Variants in DPP6 observed in about 807,000 individuals in gnomAD.
DPP6 encodes the protein dipeptidyl peptidase like 6.
A neutral mutation model predicts 122.6 loss-of-function variants in DPP6; 69 were observed. The observed-to-expected ratio is 0.56, with a 90% CI of 0.46 to 0.69. The LOEUF (loss-of-function observed/expected upper bound fraction) is 0.69. DPP6 is among the 30% of genes least tolerant of loss of function. DPP6 has a pLI of 0.00. For missense variants in DPP6, 928 were observed against 1,116.9 expected (o/e 0.83, Z 2.41); for synonymous variants, 418 against 433.1 (o/e 0.97, Z 0.43).
At chr7:154,827,660 GC>G (rs1337062780) in intron 16 of DPP6, among the ~76,000 whole-genome samples, 1 of 148,996 alleles carries the variant, frequency 6.7e-6, no homozygotes, top group Non-Finnish European at 1.5e-5. Flanking sequence ...AGGACGGCTG[GC>G]AGGGGGGTGG....
chr7:154,136,155 C>T (rs1563235437), intron 1 of DPP6, among the ~76,000 whole-genome samples: 1 of 151,970 alleles, frequency 6.6e-6, no homozygotes, highest in Non-Finnish European at 1.5e-5. Context: ...TACCACTGGC[C>T]TCCCTGTGCA....
At chr7:154,283,501 G>A (rs959777356) in intron 1 of DPP6, among the ~76,000 whole-genome samples, 7 of 152,160 alleles carry the variant, frequency 4.6e-5, no homozygotes, top group African/African-American at 1.7e-4. Context: ...ATGAGTACCT[G>A]TAAAGGCTAA....
At chr7:154,057,201 C>T (rs1800901953) in intron 1 of DPP6, among the ~76,000 whole-genome samples, 3 of 152,148 alleles carry the variant, frequency 2.0e-5, no homozygotes, top group Admixed American at 6.5e-5. Context: ...GCCTTGGCAG[C>T]AACTGCCCAG....
chr7:153,832,900 C>CT, the DPP6 span, among the ~76,000 whole-genome samples: 1 of 152,228 alleles, frequency 6.6e-6, no homozygotes, highest in East Asian at 1.9e-4. Context: ...AGATAGTGTA[C>CT]TGTAGAACTG....
chr7:154,055,683 C>T (rs527353453), intron 1 of DPP6: 2 of 152,316 alleles, frequency 1.3e-5, no homozygotes, highest in African/African-American at 4.8e-5. Flanking sequence ...CTGGGAGCGC[C>T]GCTACTTCGG....
At chr7:154,146,457 A>G (rs1280455246) in intron 1 of DPP6, among the ~76,000 whole-genome samples, 3 of 151,628 alleles carry the variant, frequency 2.0e-5, no homozygotes, top group African/African-American at 7.3e-5. Context: ...AGATTCTTAC[A>G]TATGTGTGTC....
chr7:153,752,277 G>T, the DPP6 span, among the ~76,000 whole-genome samples: 5 of 145,752 alleles, frequency 3.4e-5, no homozygotes, highest in Non-Finnish European at 7.5e-5. Flanking sequence ...TTGAGACCGA[G>T]TCTCGCTCTG....
In DPP6 at chr7:154,470,355, A is replaced by T. The variant is rs1021483039; in HGVS notation, c.359-4584A>T. 3.3e-5 allele frequency among the ~76,000 whole-genome samples: 5 copies of T among 152,188 alleles called. 1 individual carries two copies. Among genetic ancestry groups the T allele is most frequent in the African/African-American group, 1.2e-4 (5 of 41,446 alleles). The stretch of plus-strand genomic sequence containing the variant: ...CTCGGAAGACTATAAAGCACTTTAG[A>T]GTTGTCAGTTATTCCAAATTGCTCA... On this transcript the variant is annotated intron_variant, in intron 2 of 25. Transcript: ENST00000377770.
At chr7:154,291,836 A>G (rs1175672358) in intron 1 of DPP6, among the ~76,000 whole-genome samples, 1 of 152,244 alleles carries the variant, frequency 6.6e-6, no homozygotes, top group Admixed American at 6.5e-5. Flanking sequence ...AGGCATGGAC[A>G]TTTAGGAATT....
At chr7:153,999,439 G>C (rs531317039) in intron 1 of DPP6, among the ~76,000 whole-genome samples, 1 of 152,254 alleles carries the variant, frequency 6.6e-6, no homozygotes, top group East Asian at 1.9e-4. Flanking sequence ...ACATCTTCAA[G>C]GCTTTGTTTG....
chr7:154,559,820 C>T (rs1017871921), intron 4 of DPP6, among the ~76,000 whole-genome samples: 1 of 151,320 alleles, frequency 6.6e-6, no homozygotes, highest in Non-Finnish European at 1.5e-5. Flanking sequence ...CAGAAGGATC[C>T]CTTGAGCCTA....
At chr7:154,880,214 G>T (rs1805275727) in intron 20 of DPP6, among the ~76,000 whole-genome samples, 1 of 152,200 alleles carries the variant, frequency 6.6e-6, no homozygotes. Context: ...CTTCGTGGGG[G>T]AAGCAGAAGA....
At chr7:153,924,733 A>T (rs913588646) in intron 1 of DPP6, among the ~76,000 whole-genome samples, 3 of 152,182 alleles carry the variant, frequency 2.0e-5, no homozygotes, top group Non-Finnish European at 4.4e-5. Context: ...TGATGGCCAG[A>T]TTGAAAGAGC....
At chr7:154,587,426 C>T (rs1273499489) in intron 5 of DPP6, 3 of 597,604 alleles carry the variant, frequency 5.0e-6, no homozygotes. Context: ...TTCCACCTGT[C>T]CTTCCCTCCT....
chr7:154,049,468 T>C (rs1318584805), upstream of DPP6, among the ~76,000 whole-genome samples: 1 of 114,564 alleles, frequency 8.7e-6, no homozygotes, highest in African/African-American at 3.3e-5. Context: ...TTTTTTTATA[T>C]GTGGGACCAC....
chr7:154,195,931 T>C (rs7794196), intron 1 of DPP6, among the ~76,000 whole-genome samples: 60,470 of 152,010 alleles, frequency 0.4, 15,932 homozygotes, highest in African/African-American at 0.76. Flanking sequence ...GGGATGTGGC[T>C]TTTCCCTTTT....
In DPP6 at chr7:154,241,483, C is replaced by G. The variant is rs1801613789; in HGVS notation, c.243+188420C>G. Among the ~76,000 whole-genome samples the G allele has an allele frequency of 6.6e-6, 1 of 151,906 alleles. No homozygotes were observed. The highest frequency in any genetic ancestry group is 2.4e-5 in the African/African-American group (1 of 41,328). On this transcript the variant is annotated intron_variant, in intron 1 of 25. Coordinates refer to ENST00000377770, the MANE Select transcript of DPP6 (RefSeq NM_130797.4). The surrounding 1 kb of genome is among the most constrained non-coding windows in gnomAD (Gnocchi z 9.0). ...GCGGAGGCAGGAGAATCGCTTGAAC[C>G]CAGGAGAAGGAGGTTGCAGTGAGTT...
chr7:153,794,638 G>C, the DPP6 span, among the ~76,000 whole-genome samples: 1 of 152,116 alleles, frequency 6.6e-6, no homozygotes, highest in South Asian at 2.1e-4. Flanking sequence ...GGCATGATTG[G>C]TTTTGATATG....
At chr7:154,057,570 A>G (rs943824582) in intron 1 of DPP6, 1 of 150,890 alleles carries the variant, frequency 6.6e-6, no homozygotes, top group African/African-American at 2.5e-5. Flanking sequence ...TTTGCAATCT[A>G]CCGGAGCTTA....
Sources: allele counts gnomAD v4.1 joint callset (sites outside exome capture counted in the v4.1 genomes callset), GRCh38; gene constraint gnomAD v4.1.1; non-coding constraint Gnocchi (gnomAD v3.1); transcripts MANE v1.5; gene names NCBI Gene and HGNC (gene_info 2026-07-23, HGNC 2026-07-21).